INPP4B: variants seen among roughly 807,000 people sequenced by gnomAD.
INPP4B encodes inositol polyphosphate-4-phosphatase type II B.
Under a neutral mutation model 122.5 loss-of-function variants are expected in INPP4B, and 55 were observed. The ratio of observed to expected loss-of-function variants is 0.45; its 90% CI spans 0.36 to 0.56. The LOEUF is 0.56. Among genes scored for constraint, INPP4B ranks in the 20% least tolerant of loss-of-function variants. The pLI is 0.00. For missense variants in INPP4B, 1,000 were observed against 1,097.7 expected, an observed-to-expected ratio of 0.91 and a Z score of 1.26; for synonymous variants, 403 against 388.7, an observed-to-expected ratio of 1.04 and a Z score of -0.43.
At chr4:142,116,149 C>A (rs1419072521) in intron 21 of INPP4B, among the ~76,000 whole-genome samples, 2 of 152,170 alleles carry the variant, frequency 1.3e-5, no homozygotes, top group Non-Finnish European at 2.9e-5. Flanking sequence ...CAGGAGCACC[C>A]AGATTCATAA....
chr4:142,235,152 A>G (rs1455824284), intron 12 of INPP4B, among the ~76,000 whole-genome samples: 1 of 152,126 alleles, frequency 6.6e-6, no homozygotes, highest in Non-Finnish European at 1.5e-5. Context: ...GTAGCAGACA[A>G]GCAGTAGAAA....
intron 2 of INPP4B, among the ~76,000 whole-genome samples, chr4:142,539,154 A>C (rs1278207992): frequency 7.3e-6 from 1 of 137,018 alleles, no homozygotes; most frequent in Non-Finnish European, 1.5e-5. Context: ...TTGAGATAAT[A>C]AAATATATAT....
Position 142,031,343 on chromosome 4 carries a change from A to G in INPP4B, c.2643-2429T>C, listed in dbSNP as rs573683766. ...AAACTTCTAACGAAGCTCCTTAGCCATGGCTGATTTCTAGTCCTTCGCAAT... is the reference window on the plus strand; with the variant it reads ...AAACTTCTAACGAAGCTCCTTAGCCGTGGCTGATTTCTAGTCCTTCGCAAT... On this transcript the variant is annotated intron_variant, in intron 25 of 25. Coordinates refer to ENST00000262992, the MANE Select transcript of INPP4B (RefSeq NM_001101669.3). Among the ~76,000 whole-genome samples the G allele has an allele frequency of 1.4e-3, 215 of 152,324 alleles. 2 individuals are homozygous for G. The highest frequency in any genetic ancestry group is 5.0e-3 in the African/African-American group (206 of 41,584).
At chr4:142,676,847 G>T (rs1417603003) in intron 2 of INPP4B, among the ~76,000 whole-genome samples, 2 of 151,844 alleles carry the variant, frequency 1.3e-5, no homozygotes, top group Non-Finnish European at 2.9e-5. Context: ...AACTCAAGAT[G>T]GATTAAAGAC....
At chr4:142,622,204 C>T (rs1322285503) in intron 2 of INPP4B, among the ~76,000 whole-genome samples, 2 of 151,838 alleles carry the variant, frequency 1.3e-5, no homozygotes, top group Non-Finnish European at 2.9e-5. Context: ...GCCCGGGCTA[C>T]AAACTTTAAT....
At chr4:142,062,260 A>C (rs943712129) in intron 25 of INPP4B, among the ~76,000 whole-genome samples, 1 of 151,908 alleles carries the variant, frequency 6.6e-6, no homozygotes, top group Non-Finnish European at 1.5e-5. Context: ...CTATTACACC[A>C]CCACATCATC....
chr4:142,623,760 T>G (rs1301244167), intron 2 of INPP4B, among the ~76,000 whole-genome samples: 1 of 140,236 alleles, frequency 7.1e-6, no homozygotes, highest in Non-Finnish European at 1.5e-5. Flanking sequence ...GATGTTCCCC[T>G]TCCTGTGTCC....
intron 9 of INPP4B, among the ~76,000 whole-genome samples, chr4:142,301,378 T>C (rs751710927): frequency 5.9e-5 from 9 of 152,066 alleles, no homozygotes; most frequent in Non-Finnish European, 1.0e-4. Context: ...AACAAAAGAA[T>C]ATAAAATGGA....
chr4:142,129,238 G>T (rs1182822268), intron 18 of INPP4B, among the ~76,000 whole-genome samples: 2 of 152,104 alleles, frequency 1.3e-5, no homozygotes, highest in East Asian at 1.9e-4. Context: ...GCCAGTAGGG[G>T]TTTTCATCTA....
intron 1 of INPP4B, among the ~76,000 whole-genome samples, chr4:142,825,741 G>C (rs1459659506): frequency 1.3e-5 from 2 of 151,994 alleles, no homozygotes; most frequent in East Asian, 3.9e-4. Flanking sequence ...GTAGAATTTT[G>C]AGAGGCAGAA....
At chr4:142,738,737 T>C (rs577638499) in intron 1 of INPP4B, among the ~76,000 whole-genome samples, 1 of 152,248 alleles carries the variant, frequency 6.6e-6, no homozygotes, top group Non-Finnish European at 1.5e-5. Context: ...TTGGAAATAA[T>C]ATACAGAACT....
intron 7 of INPP4B, among the ~76,000 whole-genome samples, chr4:142,351,866 G>A (rs934064073): frequency 6.6e-6 from 1 of 151,920 alleles, no homozygotes; most frequent in Non-Finnish European, 1.5e-5. Flanking sequence ...TGTTAAATGT[G>A]AGCACATTGA....
At chr4:142,241,874 G>C (rs1286855688) in intron 11 of INPP4B, among the ~76,000 whole-genome samples, 1 of 152,110 alleles carries the variant, frequency 6.6e-6, no homozygotes, top group Non-Finnish European at 1.5e-5. Context: ...TTCTCCAGAG[G>C]AAGCTAATCT....
chr4:142,035,246 G>T (rs1347135191), intron 25 of INPP4B, among the ~76,000 whole-genome samples: 1 of 152,090 alleles, frequency 6.6e-6, no homozygotes, highest in East Asian at 1.9e-4. Context: ...TGAGAGATTT[G>T]ATTTGTCTCT....
At chr4:142,574,811 T>C (rs1262619894) in intron 2 of INPP4B, among the ~76,000 whole-genome samples, 1 of 152,092 alleles carries the variant, frequency 6.6e-6, no homozygotes, top group Non-Finnish European at 1.5e-5. Context: ...TATACAGTGG[T>C]GCCCTGCCTT....
At chr4:142,124,524 C>G (rs1439425820) in intron 19 of INPP4B, 64 bp downstream of exon 19, 2 of 1,397,114 alleles carry the variant, frequency 1.4e-6, no homozygotes, top group Non-Finnish European at 2.0e-6. Flanking sequence ...TTCTATTCAT[C>G]ATCAAGGATA....
intron 2 of INPP4B, among the ~76,000 whole-genome samples, chr4:142,480,302 A>G (rs1376245375): frequency 6.6e-6 from 1 of 152,138 alleles, no homozygotes; most frequent in Non-Finnish European, 1.5e-5. Context: ...CATAGATCCA[A>G]TTTTTGCCTG....
intron 1 of INPP4B, among the ~76,000 whole-genome samples, chr4:142,806,777 AAGAAAGAAG>A (rs1778831454): frequency 2.2e-5 from 2 of 90,942 alleles, no homozygotes; most frequent in African/African-American, 4.2e-5. Context: ...GAAAGAAAGA[AAGAAAGAAG>A]GAAAGAAAGA....
chr4:142,399,188 G>GTT (rs1562013473), intron 7 of INPP4B, among the ~76,000 whole-genome samples: 25 of 63,950 alleles, frequency 3.9e-4, no homozygotes, highest in South Asian at 1.3e-3. Context: ...ATTTCCTTTT[G>GTT]CTTTTTTTTT....
Sources: gnomAD v4.1 joint callset for allele counts (sites outside exome capture counted in the v4.1 genomes callset) on GRCh38, gnomAD v4.1.1 for gene constraint, MANE v1.5 for transcripts, NCBI Gene and HGNC (gene_info 2026-07-23, HGNC 2026-07-21) for gene names.